The following GABRB3 variants were observed in gnomAD, a reference collection of about 807,000 sequenced individuals.
GABRB3 encodes gamma-aminobutyric acid receptor subunit beta-3.
In GABRB3, 14 loss-of-function variants were observed where a neutral mutation model predicts 52.1. The observed-to-expected ratio is 0.27, with a 90% CI of 0.18 to 0.42. The LOEUF is 0.42. Ranked by LOEUF, GABRB3 falls within the 10% of genes least tolerant of loss-of-function variation. GABRB3 has a pLI of 1.00. For synonymous variants in GABRB3, 260 were observed against 232.3 expected (o/e 1.12, Z -1.08); for missense variants, 307 against 609.1 (o/e 0.50, Z 5.22).
intron 8 of GABRB3, among the ~76,000 whole-genome samples, chr15:26,554,246 C>G (rs1380106748): frequency 8.1e-6 from 1 of 124,142 alleles, no homozygotes; most frequent in Non-Finnish European, 1.7e-5. Context: ...CTAGGCTGAT[C>G]TGGAATTCCC....
intron 4 of GABRB3, among the ~76,000 whole-genome samples, chr15:26,602,632 C>T (rs1165881015): frequency 6.6e-6 from 1 of 151,924 alleles, no homozygotes; most frequent in Non-Finnish European, 1.5e-5. Context: ...TATAAGCACA[C>T]AGAAACTGAA....
chr15:26,611,539 T>C (rs11631605), intron 4 of GABRB3, among the ~76,000 whole-genome samples: 74,838 of 151,982 alleles, frequency 0.49, 19,554 homozygotes, highest in Middle Eastern at 0.59. Flanking sequence ...TCAGATTTGA[T>C]CTCAAAGTTG....
rs548775630 is a variant in GABRB3, at chr15:26,773,040, TGCC to T, written c.-81_-79del. ...CCGCAGCCGGGGCTGCTCCTGCTGC[TGCC>T]GCCGCCGCCGCCGCCGCCGCGCTGG... On this transcript the variant is annotated 5_prime_UTR_variant, in exon 1 of 9. Coordinates refer to ENST00000311550, the MANE Select transcript of GABRB3 (RefSeq NM_000814.6). The T allele has an allele frequency of 0.88, 888,044 of 1,003,946 alleles. 390,400 individuals are homozygous for T. Among genetic ancestry groups the T allele is most frequent in the East Asian group, 0.95 (12,229 of 12,810 alleles). The allele number at this position is 1,003,946 out of a possible 1,614,324, so 62.2% of individuals were successfully genotyped here. A position where few individuals can be genotyped will look rare whatever the true frequency, so the allele number is the denominator to read the frequency against.
At chr15:26,577,708 T>C (rs1595454290) in intron 6 of GABRB3, among the ~76,000 whole-genome samples, 1 of 152,184 alleles carries the variant, frequency 6.6e-6, no homozygotes, top group South Asian at 2.1e-4. Context: ...CATAAGATTA[T>C]AGGGGAGCTG....
Position 26,547,227 on chromosome 15 carries a change from A to T in GABRB3, c.*566T>A. On this transcript the variant is annotated 3_prime_UTR_variant, in exon 9 of 9. Transcript: ENST00000311550. ...CGTATGCCCGATGAAAACAAACCCCATCACCAGAGAAGCCAAGAAGCCTTT... is the reference window on the plus strand; with the variant it reads ...CGTATGCCCGATGAAAACAAACCCCTTCACCAGAGAAGCCAAGAAGCCTTT... 3.5e-6 allele frequency: 1 copy of T among 286,938 alleles called. No homozygotes were observed. The highest frequency in any genetic ancestry group is 1.6e-4 in the South Asian group (1 of 6,240). 17.8% of individuals were successfully genotyped at this position (286,938 alleles called of 1,614,324 possible). A position where few individuals can be genotyped will look rare whatever the true frequency, so the allele number is the denominator to read the frequency against.
chr15:26,768,029 T>A (rs1891044516), intron 3 of GABRB3, among the ~76,000 whole-genome samples: 1 of 152,106 alleles, frequency 6.6e-6, no homozygotes, highest in Non-Finnish European at 1.5e-5. Flanking sequence ...ATTAAAAAAA[T>A]GGATTTTATA....
chr15:26,729,126 G>T (rs1446737638), intron 3 of GABRB3, among the ~76,000 whole-genome samples: 1 of 151,812 alleles, frequency 6.6e-6, no homozygotes, highest in Non-Finnish European at 1.5e-5. Context: ...CTGCAAGTGG[G>T]CATCTGCTGA....
chr15:26,567,509 C>A, intron 7 of GABRB3, 72 bp downstream of exon 7: 1 of 1,467,420 alleles, frequency 6.8e-7, no homozygotes, highest in Non-Finnish European at 9.5e-7. Context: ...TGAACTACAG[C>A]CTTTGAACTC....
intron 3 of GABRB3, among the ~76,000 whole-genome samples, chr15:26,712,073 G>A (rs567699897): frequency 6.6e-6 from 1 of 152,318 alleles, no homozygotes; most frequent in East Asian, 1.9e-4. Flanking sequence ...TGAGACAGCA[G>A]GTTGGAGCAC....
At chr15:26,707,679 G>A (rs77617640) in intron 3 of GABRB3, among the ~76,000 whole-genome samples, 21,506 of 152,162 alleles carry the variant, frequency 0.14, 1,664 homozygotes, top group Non-Finnish European at 0.17. Flanking sequence ...CACTGCCCCA[G>A]GCTAAGTTGT....
chr15:26,575,908 A>C (rs1890574638), intron 6 of GABRB3, among the ~76,000 whole-genome samples: 1 of 152,238 alleles, frequency 6.6e-6, no homozygotes, highest in African/African-American at 2.4e-5. Flanking sequence ...AAAATTAAAG[A>C]AGCATATTAA....
At chr15:26,586,093 G>A (rs556881651) in intron 4 of GABRB3, among the ~76,000 whole-genome samples, 1 of 152,010 alleles carries the variant, frequency 6.6e-6, no homozygotes, top group Non-Finnish European at 1.5e-5. Context: ...CCATCTCCCA[G>A]GTTCACACCA....
intron 3 of GABRB3, chr15:26,628,834 G>A: frequency 1.2e-6 from 1 of 843,676 alleles, no homozygotes; most frequent in African/African-American, 1.7e-5. Flanking sequence ...GAGACGAAAG[G>A]GGGCCAGCAG....
intron 3 of GABRB3, among the ~76,000 whole-genome samples, chr15:26,688,291 C>T (rs190217750): frequency 3.2e-4 from 48 of 152,262 alleles, no homozygotes; most frequent in Non-Finnish European, 4.9e-4. Flanking sequence ...AAATGCCAGC[C>T]GTGTGCCCTG....
At chr15:26,629,358 C>G (rs573737626) in intron 3 of GABRB3, among the ~76,000 whole-genome samples, 1 of 152,294 alleles carries the variant, frequency 6.6e-6, no homozygotes, top group South Asian at 2.1e-4. Flanking sequence ...CTGTGCGCGG[C>G]GCTGTGCGGC....
At chr15:26,633,636 A>G (rs979596957) in intron 3 of GABRB3, among the ~76,000 whole-genome samples, 7 of 152,166 alleles carry the variant, frequency 4.6e-5, no homozygotes, top group African/African-American at 1.4e-4. Context: ...TTAACTGATA[A>G]GATACTGTGG....
At chr15:26,654,270 C>T (rs891136201) in intron 3 of GABRB3, among the ~76,000 whole-genome samples, 6 of 152,130 alleles carry the variant, frequency 3.9e-5, no homozygotes, top group South Asian at 4.1e-4. Context: ...CTCAGCCTCC[C>T]GAGTAGCTGG....
At chr15:26,732,171 T>C (rs570772148) in intron 3 of GABRB3, among the ~76,000 whole-genome samples, 6 of 151,294 alleles carry the variant, frequency 4.0e-5, no homozygotes, top group Admixed American at 2.0e-4. Flanking sequence ...GATGGATCAA[T>C]GGATGGGTGG....
intron 3 of GABRB3, among the ~76,000 whole-genome samples, chr15:26,731,556 G>A (rs528237534): frequency 3.3e-5 from 5 of 152,282 alleles, no homozygotes; most frequent in African/African-American, 1.2e-4. Flanking sequence ...AGGCCAGCAG[G>A]AGACCTATTT....
Sources: gnomAD v4.1 joint callset for allele counts (sites outside exome capture counted in the v4.1 genomes callset) on GRCh38, gnomAD v4.1.1 for gene constraint, MANE v1.5 for transcripts, NCBI Gene and HGNC (gene_info 2026-07-23, HGNC 2026-07-21) for gene names.